The following SEMA3E variants were observed in gnomAD, a reference collection of about 807,000 sequenced individuals.
The protein encoded by SEMA3E is semaphorin-3E.
In SEMA3E, 49 loss-of-function variants were observed where a neutral mutation model predicts 93.6. That is an observed-to-expected ratio of 0.52 (90% CI 0.42 to 0.66). SEMA3E has a LOEUF of 0.66. SEMA3E is among the 30% of genes least tolerant of loss of function. The pLI, the probability that SEMA3E is intolerant of heterozygous loss-of-function variation, is 0.00. For missense variants in SEMA3E, 906 were observed against 964.8 expected, an observed-to-expected ratio of 0.94 and a Z score of 0.81; for synonymous variants, 363 against 330.7, an observed-to-expected ratio of 1.10 and a Z score of -1.06.
At chr7:83,581,542 C>T (rs1468788760) in intron 1 of SEMA3E, among the ~76,000 whole-genome samples, 3 of 151,962 alleles carry the variant, frequency 2.0e-5, no homozygotes, top group South Asian at 2.1e-4. Context: ...AAACAGTGTA[C>T]ATTTTTAAAC....
intron 1 of SEMA3E, among the ~76,000 whole-genome samples, chr7:83,575,891 A>C (rs1010214716): frequency 1.7e-5 from 2 of 120,814 alleles, no homozygotes; most frequent in Non-Finnish European, 3.3e-5. Flanking sequence ...CAACTAGTTA[A>C]GTTGGCAATT....
chr7:83,575,960 G>C (rs74882493), intron 1 of SEMA3E, among the ~76,000 whole-genome samples: 1 of 152,074 alleles, frequency 6.6e-6, no homozygotes, highest in Admixed American at 6.5e-5. Context: ...TTATTGAATT[G>C]CATAGTTTTA....
At chr7:83,538,536 C>T (rs1791453378) in intron 1 of SEMA3E, among the ~76,000 whole-genome samples, 1 of 152,222 alleles carries the variant, frequency 6.6e-6, no homozygotes, top group Middle Eastern at 3.4e-3. Flanking sequence ...CCTCACCAAC[C>T]TCCAGTAGGC....
Position 83,463,490 on chromosome 7 carries a change from C to T in SEMA3E, c.456+2992G>A, listed in dbSNP as rs549651068. Among the ~76,000 whole-genome samples the T allele has an allele frequency of 1.3e-4, 19 of 151,534 alleles. No homozygotes were observed. The South Asian group carries it at 3.3e-3, about 27-fold the overall frequency. Reference sequence around the variant, plus strand: ...TCTTTGTTGAGTCTCCCACAATTACCGTTGTTGCTGGCCCAGACTTCAATC... The same window carrying T: ...TCTTTGTTGAGTCTCCCACAATTACTGTTGTTGCTGGCCCAGACTTCAATC... On this transcript the variant is annotated intron_variant, in intron 4 of 16. Transcript: ENST00000643230.
At chr7:83,453,185 G>C (rs62460812) in intron 4 of SEMA3E, among the ~76,000 whole-genome samples, 16,557 of 151,738 alleles carry the variant, frequency 0.11, 1,026 homozygotes, top group Non-Finnish European at 0.14. Context: ...CCACCACCAC[G>C]CCTGGCTAAT....
At chr7:83,416,568 A>G (rs1366096799) in intron 5 of SEMA3E, among the ~76,000 whole-genome samples, 3 of 152,074 alleles carry the variant, frequency 2.0e-5, no homozygotes, top group Non-Finnish European at 2.9e-5. Context: ...AGCAGCATAT[A>G]CTGTGTAATT....
chr7:83,483,411 T>A (rs1026017140), intron 2 of SEMA3E, among the ~76,000 whole-genome samples: 2 of 152,182 alleles, frequency 1.3e-5, no homozygotes, highest in Admixed American at 6.6e-5. Context: ...ATATCATAAA[T>A]TACCATTTTA....
Position 83,600,486 on chromosome 7 carries a change from A to ATTTTTT in SEMA3E, c.115+47936_115+47941dup, listed in dbSNP as rs71522671. On this transcript the variant is annotated intron_variant, in intron 1 of 16. Coordinates refer to ENST00000643230, the MANE Select transcript of SEMA3E (RefSeq NM_012431.3). ...AGGCGCCCGCCACCACGCCCAGCTA[A>ATTTTTT]TTTTTTTTTTTTTTTTTTTTTTTTT... Among the ~76,000 whole-genome samples, 305 of 63,068 alleles carry ATTTTTT rather than the reference A, an allele frequency of 4.8e-3. 4 individuals are homozygous for ATTTTTT. Among genetic ancestry groups the ATTTTTT allele is most frequent in the Middle Eastern group, 0.019 (1 of 54 alleles). The allele number at this position is 63,068 out of a possible 152,430, so 41.4% of individuals were successfully genotyped here. A position where few individuals can be genotyped will look rare whatever the true frequency, so the allele number is the denominator to read the frequency against.
intron 5 of SEMA3E, among the ~76,000 whole-genome samples, chr7:83,414,951 C>T (rs1002642747): frequency 6.6e-6 from 1 of 151,890 alleles, no homozygotes; most frequent in Non-Finnish European, 1.5e-5. Flanking sequence ...GGGACTGTAA[C>T]GTTACTGAAG....
At chr7:83,470,028 T>A (rs1789859922) in intron 2 of SEMA3E, among the ~76,000 whole-genome samples, 1 of 152,042 alleles carries the variant, frequency 6.6e-6, no homozygotes, top group Non-Finnish European at 1.5e-5. Context: ...CCTCGTGATC[T>A]GCCTGCCTCG....
intron 1 of SEMA3E, among the ~76,000 whole-genome samples, chr7:83,549,908 GA>G (rs1791724915): frequency 2.0e-5 from 3 of 151,914 alleles, no homozygotes; most frequent in Admixed American, 1.3e-4. Context: ...TCATATTTAG[GA>G]GTTTCATTTC....
intron 1 of SEMA3E, among the ~76,000 whole-genome samples, chr7:83,623,491 T>C (rs1793607163): frequency 6.6e-6 from 1 of 152,148 alleles, no homozygotes; most frequent in African/African-American, 2.4e-5. Flanking sequence ...ATTAATAACT[T>C]GTAGTGAGAT....
At chr7:83,619,101 T>C (rs922677636) in intron 1 of SEMA3E, among the ~76,000 whole-genome samples, 20 of 151,888 alleles carry the variant, frequency 1.3e-4, no homozygotes, top group Non-Finnish European at 2.7e-4. Flanking sequence ...TAATACCTTA[T>C]TTAACAAGTC....
chr7:83,626,600 C>A (rs42005), intron 1 of SEMA3E, among the ~76,000 whole-genome samples: 93,651 of 151,846 alleles, frequency 0.62, 29,354 homozygotes, highest in African/African-American at 0.73. Flanking sequence ...TCTCTCTTTT[C>A]TTCTTTATTA....
intron 1 of SEMA3E, among the ~76,000 whole-genome samples, chr7:83,575,152 T>C (rs2115884071): frequency 6.6e-6 from 1 of 152,182 alleles, no homozygotes; most frequent in Non-Finnish European, 1.5e-5. Flanking sequence ...ATCATAAGTT[T>C]GTTTTTACCC....
chr7:83,399,166 A>C (rs974612670), intron 11 of SEMA3E, among the ~76,000 whole-genome samples: 4 of 152,170 alleles, frequency 2.6e-5, no homozygotes, highest in Admixed American at 6.5e-5. Flanking sequence ...CTACTGTAGC[A>C]ATTATACTAT....
At chr7:83,431,562 C>G (rs1011897209) in intron 4 of SEMA3E, among the ~76,000 whole-genome samples, 2 of 152,100 alleles carry the variant, frequency 1.3e-5, no homozygotes, top group African/African-American at 4.8e-5. Flanking sequence ...TGCCACCATG[C>G]CCGGCTAGTT....
chr7:83,379,302 C>G (rs1005517042), intron 16 of SEMA3E, among the ~76,000 whole-genome samples: 1 of 151,414 alleles, frequency 6.6e-6, no homozygotes, highest in African/African-American at 2.4e-5. Flanking sequence ...ATAATGCTCA[C>G]TATTTGGGTG....
At chr7:83,589,864 T>C (rs544790996) in intron 1 of SEMA3E, among the ~76,000 whole-genome samples, 1 of 152,108 alleles carries the variant, frequency 6.6e-6, no homozygotes, top group Non-Finnish European at 1.5e-5. Flanking sequence ...GGTTTCAAAG[T>C]GGCTCAACAA....
Sources: allele counts gnomAD v4.1 joint callset (sites outside exome capture counted in the v4.1 genomes callset), GRCh38; gene constraint gnomAD v4.1.1; transcripts MANE v1.5; gene names NCBI Gene and HGNC (gene_info 2026-07-23, HGNC 2026-07-21).